Variants in CERK observed in about 807,000 individuals in gnomAD.
CERK encodes the protein ceramide kinase, also known as acylsphingosine kinase.
A neutral mutation model predicts 63.4 loss-of-function variants in CERK; 39 were observed. The ratio of observed to expected loss-of-function variants is 0.61; its 90% CI spans 0.48 to 0.80. CERK has a LOEUF of 0.80. Among genes scored for constraint, CERK ranks in the 30% least tolerant of loss-of-function variants. CERK has a pLI of 0.00. For missense variants in CERK, 670 were observed against 714.1 expected, an observed-to-expected ratio of 0.94 and a Z score of 0.70; for synonymous variants, 302 against 280.0, an observed-to-expected ratio of 1.08 and a Z score of -0.78.
chr22:46,716,918 G>A (rs567681635), intron 3 of CERK, among the ~76,000 whole-genome samples: 1 of 150,966 alleles, frequency 6.6e-6, no homozygotes, highest in African/African-American at 2.5e-5. Context: ...CTGGGCAACA[G>A]AGCGAGACTC....
chr22:46,735,417 C>A, intron 1 of CERK: 1 of 152,414 alleles, frequency 6.6e-6, no homozygotes. Flanking sequence ...AGTGCACGTG[C>A]CTGGGTTCAA....
chr22:46,694,022 T>C (rs1025644684), intron 9 of CERK, among the ~76,000 whole-genome samples: 1 of 152,198 alleles, frequency 6.6e-6, no homozygotes, highest in Non-Finnish European at 1.5e-5. Flanking sequence ...TTTGCACTGA[T>C]GGAAATCGCT....
At chr22:46,691,986 A>T (rs28688116) in intron 10 of CERK, among the ~76,000 whole-genome samples, 1 of 152,236 alleles carries the variant, frequency 6.6e-6, no homozygotes, top group African/African-American at 2.4e-5. Flanking sequence ...ATCACCTCCC[A>T]GAAGGCAGGA....
At chr22:46,695,167 T>C in intron 9 of CERK, 43 bp downstream of exon 9, 1 of 1,023,446 alleles carries the variant, frequency 9.8e-7, no homozygotes, top group Non-Finnish European at 1.5e-6. Context: ...CCTGCTTCAT[T>C]TCCCGTCATT....
At chr22:46,717,441 G>A (rs775797394) in intron 3 of CERK, among the ~76,000 whole-genome samples, 1 of 152,364 alleles carries the variant, frequency 6.6e-6, no homozygotes, top group South Asian at 2.1e-4. Context: ...AATACCATAC[G>A]GCCTAGAGAA....
At chr22:46,690,311 C>A in intron 11 of CERK, 111 bp from the exon 12 acceptor site, 3 of 728,544 alleles carry the variant, frequency 4.1e-6, no homozygotes, top group Non-Finnish European at 4.5e-6. Flanking sequence ...GGTGCACACA[C>A]GGCCCTTCTC....
chr22:46,698,277 C>T (rs1033519911), intron 8 of CERK, among the ~76,000 whole-genome samples: 1 of 152,240 alleles, frequency 6.6e-6, no homozygotes, highest in African/African-American at 2.4e-5. Context: ...GCGTGGCATT[C>T]GCTCCCACTC....
intron 1 of CERK, among the ~76,000 whole-genome samples, chr22:46,721,594 A>C (rs947641701): frequency 6.6e-6 from 1 of 152,196 alleles, no homozygotes; most frequent in African/African-American, 2.4e-5. Flanking sequence ...TTCAAGCAGC[A>C]AATGCGGACC....
At chr22:46,710,384 G>A (rs2082834570) in intron 5 of CERK, among the ~76,000 whole-genome samples, 1 of 150,056 alleles carries the variant, frequency 6.7e-6, no homozygotes, top group African/African-American at 2.5e-5. Context: ...CCGAGGTCAC[G>A]CCATTGCACT....
chr22:46,699,195 G>C, intron 8 of CERK, 118 bp downstream of exon 8: 1 of 1,047,518 alleles, frequency 9.5e-7, no homozygotes, highest in Non-Finnish European at 1.5e-6. Context: ...TTAGCTTCCC[G>C]TCTGTGAGCA....
intron 1 of CERK, among the ~76,000 whole-genome samples, chr22:46,729,242 G>A (rs1402537986): frequency 1.3e-5 from 2 of 152,178 alleles, no homozygotes; most frequent in Admixed American, 6.5e-5. Flanking sequence ...GTACATGCCT[G>A]TAGTTCCAGC....
intron 10 of CERK, among the ~76,000 whole-genome samples, chr22:46,692,048 C>A (rs926191791): frequency 6.6e-6 from 1 of 152,216 alleles, no homozygotes; most frequent in Non-Finnish European, 1.5e-5. Flanking sequence ...GAACAAGGGT[C>A]AGCAAACCAA....
intron 8 of CERK, among the ~76,000 whole-genome samples, chr22:46,698,849 C>T (rs1191083818): frequency 2.0e-5 from 3 of 152,124 alleles, no homozygotes; most frequent in Admixed American, 2.0e-4. Flanking sequence ...TGCAGTGAAC[C>T]GTGATCGTGC....
In CERK at chr22:46,738,176, T is replaced by TG; in HGVS notation, c.-29dup. 1 of 1,130,722 alleles carries TG rather than the reference T, an allele frequency of 8.8e-7. No homozygotes were observed. The highest frequency in any genetic ancestry group is 3.4e-5 in the South Asian group (1 of 29,032). 70.0% of individuals were successfully genotyped at this position (1,130,722 alleles called of 1,614,324 possible). ...CCGCCGCCGGGCTCGTCCGCCAGGC[T>TG]GGGGGCGCGCGGACGCCGAGGGGCG... On this transcript the variant is annotated 5_prime_UTR_variant, in exon 1 of 13. Transcript: ENST00000216264.
At chr22:46,711,379 C>T (rs917107807) in intron 4 of CERK, among the ~76,000 whole-genome samples, 4 of 152,148 alleles carry the variant, frequency 2.6e-5, no homozygotes, top group Admixed American at 6.5e-5. Context: ...TGACATGCAG[C>T]GTTCCTGGTA....
At chr22:46,708,986 G>A (rs1418471574) in intron 5 of CERK, among the ~76,000 whole-genome samples, 2 of 152,264 alleles carry the variant, frequency 1.3e-5, no homozygotes, top group Non-Finnish European at 2.9e-5. Flanking sequence ...AGTCTCCAGG[G>A]CTGGGATCTC....
chr22:46,717,126 A>G (rs2082870568), intron 3 of CERK, among the ~76,000 whole-genome samples: 2 of 152,168 alleles, frequency 1.3e-5, no homozygotes, highest in South Asian at 4.1e-4. Flanking sequence ...ACAGTGCAAG[A>G]CTATTAACAC....
intron 8 of CERK, among the ~76,000 whole-genome samples, chr22:46,698,890 G>A (rs1019622634): frequency 7.2e-5 from 11 of 152,180 alleles, no homozygotes; most frequent in African/African-American, 2.7e-4. Flanking sequence ...GACGGAGGAA[G>A]ACTGTGTCTC....
chr22:46,684,952 A>G lies in CERK; in HGVS notation c.*2182T>C, dbSNP rs1297268668. 6.6e-6 allele frequency: 1 copy of G among 152,242 alleles called. No homozygotes were observed. The highest frequency in any genetic ancestry group is 1.9e-4 in the East Asian group (1 of 5,198). 9.4% of individuals were successfully genotyped at this position (152,242 alleles called of 1,614,324 possible). A position where few individuals can be genotyped will look rare whatever the true frequency, so the allele number is the denominator to read the frequency against. On this transcript the variant is annotated 3_prime_UTR_variant, in exon 13 of 13. Coordinates refer to ENST00000216264, the MANE Select transcript of CERK (RefSeq NM_022766.6). ...GTATCACCAGAGCCACTCAGGAACCAGCCATGCGGAATGGCTGGGTTTCTT... is the reference window on the plus strand; with the variant it reads ...GTATCACCAGAGCCACTCAGGAACCGGCCATGCGGAATGGCTGGGTTTCTT...
Sources: allele counts gnomAD v4.1 joint callset (sites outside exome capture counted in the v4.1 genomes callset), GRCh38; gene constraint gnomAD v4.1.1; transcripts MANE v1.5; gene names NCBI Gene and HGNC (gene_info 2026-07-23, HGNC 2026-07-21).